Variants in LY75 observed in about 807,000 individuals in gnomAD.
LY75 encodes lymphocyte antigen 75, also known as C-type lectin domain family 13 member B.
In LY75, 185 loss-of-function variants were observed where a neutral mutation model predicts 231.7. The observed-to-expected ratio is 0.80, with a 90% CI of 0.71 to 0.90. The LOEUF (loss-of-function observed/expected upper bound fraction) is 0.90, where lower values mean the gene tolerates loss of function less well. Ranked by LOEUF, LY75 falls within the 40% of genes least tolerant of loss-of-function variation. LY75 has a pLI of 0.00. For synonymous variants in LY75, 668 were observed against 689.0 expected (o/e 0.97, Z 0.48); for missense variants, 1,947 against 2,050.2 (o/e 0.95, Z 0.97).
At chr2:159,872,208 C>T (rs1283076227) in intron 13 of LY75, 4 of 368,512 alleles carry the variant, frequency 1.1e-5, no homozygotes, top group African/African-American at 6.2e-5. Flanking sequence ...TTCTGCCATA[C>T]ATTGCTGTTG....
At chr2:159,877,030 A>AAAGAG (rs1685298162) in intron 11 of LY75, among the ~76,000 whole-genome samples, 1 of 146,398 alleles carries the variant, frequency 6.8e-6, no homozygotes, top group Non-Finnish European at 1.5e-5. Context: ...AAAAAAAAAA[A>AAAGAG]AAAAGAAAAA....
chr2:159,825,243 C>G (rs1683424933), intron 28 of LY75, among the ~76,000 whole-genome samples: 1 of 152,184 alleles, frequency 6.6e-6, no homozygotes, highest in Non-Finnish European at 1.5e-5. Flanking sequence ...AGATAAGAAT[C>G]AAATAGACAC....
chr2:159,847,037 A>C (rs1024456304), intron 23 of LY75, among the ~76,000 whole-genome samples: 5 of 152,094 alleles, frequency 3.3e-5, no homozygotes, highest in African/African-American at 1.2e-4. Flanking sequence ...TTGGAGATGG[A>C]ATCTCGCTCT....
intron 29 of LY75, 48 bp downstream of exon 29, chr2:159,819,678 T>C (rs758843454): frequency 6.5e-7 from 1 of 1,550,220 alleles, no homozygotes; most frequent in Non-Finnish European, 8.7e-7. Context: ...AATAGCCTTA[T>C]ATTCTTTCCC....
chr2:159,866,255 G>C (rs1365605032), intron 13 of LY75, among the ~76,000 whole-genome samples: 1 of 151,952 alleles, frequency 6.6e-6, no homozygotes, highest in Non-Finnish European at 1.5e-5. Flanking sequence ...GTGAATCAAA[G>C]GCTGAAACAA....
Position 159,815,486 on chromosome 2 carries a change from G to C in LY75, c.4468C>G (p.Leu1490Val). ...TTCCAAGTTCCTTTTGGATCCAAGAGAACACAATTTCCAGGAGATGTTTGG... is the reference window on the plus strand; with the variant it reads ...TTCCAAGTTCCTTTTGGATCCAAGACAACACAATTTCCAGGAGATGTTTGG... ...KGQTSPGNCV[L>V]LDPKGTWKHE... The change falls in exon 31 of 35, where the codon CTC becomes GTC. Residue 1490 changes from leucine to valine, a missense_variant. By Grantham distance (32) the Leu-to-Val change is conservative. Coordinates refer to ENST00000263636, the MANE Select transcript of LY75 (RefSeq NM_002349.4). The C allele has an allele frequency of 6.2e-7, 1 of 1,613,824 alleles. No individual in the cohort carries two copies. The highest frequency in any genetic ancestry group is 8.5e-7 in the Non-Finnish European group (1 of 1,179,926).
Position 159,882,193 on chromosome 2 carries a change from T to G in LY75, c.1177A>C (p.Ser393Arg). 6.2e-7 allele frequency: 1 copy of G among 1,614,076 alleles called. No homozygotes were observed. The highest frequency in any genetic ancestry group is 1.7e-5 in the Admixed American group (1 of 60,008). The stretch of plus-strand genomic sequence containing the variant: ...GAATGAATGCTGATTAGGTCACTAC[T>G]GAAGGCTTTGCATTTCGCATGTGCC... ...DKAHAKCKAF[S>R]SDLISIHSLA... The change falls in exon 7 of 35, where the codon AGT becomes CGT. Residue 393 changes from serine to arginine, a missense_variant. By Grantham distance (110) the Ser-to-Arg change is moderately radical (BLOSUM62 -1). Coordinates refer to ENST00000263636, the MANE Select transcript of LY75 (RefSeq NM_002349.4).
rs1267497357 is a variant in LY75, at chr2:159,893,714, G to T, written c.637+200C>A. ...CTCCTCCTCCTCCATGACACCATCC[G>T]CCTTGGTTCACTTCCGGGCCTGCTT... is the stretch of plus-strand genomic sequence containing the variant. On this transcript the variant is annotated intron_variant, in intron 3 of 34. Coordinates refer to ENST00000263636, the MANE Select transcript of LY75 (RefSeq NM_002349.4). 2.6e-5 allele frequency among the ~76,000 whole-genome samples: 4 copies of T among 152,068 alleles called. No individual in the cohort carries two copies. The East Asian group carries it at 7.7e-4, about 29-fold the overall frequency.
chr2:159,832,591 T>G (rs1376077696), intron 27 of LY75, among the ~76,000 whole-genome samples: 2 of 152,078 alleles, frequency 1.3e-5, no homozygotes, highest in African/African-American at 4.8e-5. Flanking sequence ...AACAAGGAAG[T>G]TTCAGAAAAG....
intron 1 of LY75, among the ~76,000 whole-genome samples, chr2:159,901,709 C>A (rs1291097261): frequency 1.3e-5 from 2 of 152,220 alleles, no homozygotes; most frequent in Non-Finnish European, 2.9e-5. Context: ...AACTTCCTAA[C>A]AAACTGCTAC....
At chr2:159,878,818 T>C in intron 9 of LY75, 97 bp from the exon 10 acceptor site, 2 of 1,330,362 alleles carry the variant, frequency 1.5e-6, no homozygotes, top group South Asian at 1.3e-5. Flanking sequence ...GTCTTAGAAC[T>C]TGTGGAAATT....
chr2:159,825,474 C>T (rs1045157706), intron 28 of LY75, among the ~76,000 whole-genome samples: 1 of 152,158 alleles, frequency 6.6e-6, no homozygotes, highest in African/African-American at 2.4e-5. Flanking sequence ...TAATAGCCTA[C>T]CAACCGAAAA....
rs778720632 is a variant in LY75 at position 159,835,499 on chromosome 2, A to T, written c.3654T>A (p.Ala1218=). 6.2e-7 allele frequency: 1 copy of T among 1,606,070 alleles called. No individual in the cohort carries two copies. The highest frequency in any genetic ancestry group is 2.2e-5 in the East Asian group (1 of 44,492). The part of the protein sequence containing the change: ...TVDCNDNQPG[A]ICYYSGNETE... ...ACATACTTCCTGAATAGTAGCAAAT[A>T]GCACCTGGTTGATTGTCATTGCAAT... is the stretch of plus-strand genomic sequence containing the variant. The change falls in exon 26 of 35, where the codon GCT becomes GCA. Residue 1218 remains alanine (A), a synonymous_variant. Coordinates refer to ENST00000263636, the MANE Select transcript of LY75 (RefSeq NM_002349.4).
rs770081493 is a variant in LY75 at position 159,831,650 on chromosome 2, T to C, written c.3958+20A>G. On this transcript the variant is annotated intron_variant, in intron 28 of 34. Transcript: ENST00000263636. Reference sequence around the variant, plus strand: ...GAAGTACAAAAACAAATAGAGAAAGTTGGCAGATTTACAACTTACTTCTAT... The same window carrying C: ...GAAGTACAAAAACAAATAGAGAAAGCTGGCAGATTTACAACTTACTTCTAT... 15 of 1,606,212 alleles carry C rather than the reference T, an allele frequency of 9.3e-6. No individual in the cohort carries two copies. Among genetic ancestry groups the C allele is most frequent in the South Asian group, 4.5e-5 (4 of 88,566 alleles).
At chr2:159,875,744 A>AT (rs1434227564) in intron 11 of LY75, 101 bp from the exon 12 acceptor site, 4 of 1,415,792 alleles carry the variant, frequency 2.8e-6, no homozygotes, top group Non-Finnish European at 2.9e-6. Flanking sequence ...GGGAGAGAGA[A>AT]TAAAAAAAAA....
chr2:159,902,191 TA>T (rs1686102417), intron 1 of LY75, among the ~76,000 whole-genome samples: 1 of 152,242 alleles, frequency 6.6e-6, no homozygotes, highest in Non-Finnish European at 1.5e-5. Context: ...TTTACAACTT[TA>T]TACCAGTCCT....
At chr2:159,813,462 C>G (rs1683026616) in intron 31 of LY75, among the ~76,000 whole-genome samples, 1 of 151,962 alleles carries the variant, frequency 6.6e-6, no homozygotes, top group Non-Finnish European at 1.5e-5. Flanking sequence ...GTTCTGGAGG[C>G]TAGAAGTCTG....
intron 32 of LY75, among the ~76,000 whole-genome samples, chr2:159,809,805 G>A (rs1294001342): frequency 6.6e-6 from 1 of 151,678 alleles, no homozygotes; most frequent in Non-Finnish European, 1.5e-5. Flanking sequence ...AGCTTCCCAA[G>A]TAGCTGGGAT....
chr2:159,870,303 T>C (rs76477381), intron 13 of LY75, among the ~76,000 whole-genome samples: 4,560 of 151,990 alleles, frequency 0.03, 201 homozygotes, highest in African/African-American at 0.099. Flanking sequence ...ATACAAACAT[T>C]AGCTGGGTGT....
Sources: allele counts gnomAD v4.1 joint callset (sites outside exome capture counted in the v4.1 genomes callset), GRCh38; gene constraint gnomAD v4.1.1; transcripts MANE v1.5; gene names NCBI Gene and HGNC (gene_info 2026-07-23, HGNC 2026-07-21).